Variants in CSGALNACT1 observed in about 807,000 individuals in gnomAD.
CSGALNACT1 encodes chondroitin sulfate N-acetylgalactosaminyltransferase 1, also known as beta4GalNAcT-1.
Under a neutral mutation model 51.0 loss-of-function variants are expected in CSGALNACT1, and 52 were observed. That is an observed-to-expected ratio of 1.02 (90% CI 0.82 to 1.29). CSGALNACT1 has a LOEUF of 1.29. CSGALNACT1 is among the 50% of genes most tolerant of loss of function. The probability of loss-of-function intolerance (pLI) is 0.00; values close to 1 mark genes in which losing one functional copy is unlikely to be tolerated. For missense variants in CSGALNACT1, 935 were observed against 679.2 expected, an observed-to-expected ratio of 1.38 and a Z score of -4.19; for synonymous variants, 341 against 254.4, an observed-to-expected ratio of 1.34 and a Z score of -3.24.
chr8:19,581,184 A>C (rs1466682306), intron 3 of CSGALNACT1, among the ~76,000 whole-genome samples: 1 of 152,224 alleles, frequency 6.6e-6, no homozygotes, highest in African/African-American at 2.4e-5. Context: ...TAAATAAAAT[A>C]TACCTAAAAG....
upstream of CSGALNACT1, chr8:19,682,999 C>A (rs1412075858): frequency 3.3e-5 from 9 of 274,468 alleles, 1 homozygote; most frequent in South Asian, 1.5e-4. Flanking sequence ...AACGAGTTCA[C>A]CCTGAACACA....
intron 1 of CSGALNACT1, among the ~76,000 whole-genome samples, chr8:19,731,371 G>T (rs541778798): frequency 6.6e-6 from 1 of 152,212 alleles, no homozygotes; most frequent in Admixed American, 6.5e-5. Context: ...AGGCAGGCGT[G>T]GTGGCCCATG....
At chr8:19,725,836 C>T (rs2063370211) in intron 1 of CSGALNACT1, among the ~76,000 whole-genome samples, 2 of 152,020 alleles carry the variant, frequency 1.3e-5, no homozygotes, top group South Asian at 2.1e-4. Context: ...ACACAGCCTC[C>T]CCCATTACTC....
intron 5 of CSGALNACT1, among the ~76,000 whole-genome samples, chr8:19,453,562 T>A (rs931943332): frequency 2.6e-5 from 4 of 152,096 alleles, no homozygotes; most frequent in Admixed American, 2.6e-4. Flanking sequence ...AAAATTTCCC[T>A]GAAAGAACCC....
intron 6 of CSGALNACT1, among the ~76,000 whole-genome samples, 187 bp downstream of exon 5, chr8:19,439,643 T>C (rs2060978390): frequency 6.6e-6 from 1 of 152,230 alleles, no homozygotes; most frequent in South Asian, 2.1e-4. Flanking sequence ...TGAAAACCAG[T>C]GTCAGACAGG....
chr8:19,546,985 C>T (rs1008150012), intron 3 of CSGALNACT1, among the ~76,000 whole-genome samples: 5 of 152,244 alleles, frequency 3.3e-5, no homozygotes, highest in Non-Finnish European at 5.9e-5. Flanking sequence ...GATGCGTCTT[C>T]TCTAGAAATA....
chr8:19,556,505 C>T (rs769076265), intron 3 of CSGALNACT1, among the ~76,000 whole-genome samples: 14 of 152,028 alleles, frequency 9.2e-5, no homozygotes, highest in Non-Finnish European at 1.6e-4. Context: ...ATGGATTTGG[C>T]TTTGGCATCA....
chr8:19,584,993 C>T (rs1203443114), intron 3 of CSGALNACT1, among the ~76,000 whole-genome samples: 3 of 152,182 alleles, frequency 2.0e-5, no homozygotes, highest in Admixed American at 6.5e-5. Context: ...CTATCACTGT[C>T]TAGCTGTGTA....
chr8:19,528,834 A>G (rs1360645247), intron 3 of CSGALNACT1, among the ~76,000 whole-genome samples: 2 of 152,214 alleles, frequency 1.3e-5, no homozygotes, highest in African/African-American at 4.8e-5. Flanking sequence ...TCAGATGTAG[A>G]AAATAAAGAT....
At chr8:19,752,152 A>G (rs1047584512) in intron 1 of CSGALNACT1, among the ~76,000 whole-genome samples, 4 of 141,304 alleles carry the variant, frequency 2.8e-5, no homozygotes, top group Non-Finnish European at 6.1e-5. Context: ...ATATTATATG[A>G]CATATCATAT....
At chr8:19,745,398 C>A (rs898215134) in intron 1 of CSGALNACT1, among the ~76,000 whole-genome samples, 1 of 152,146 alleles carries the variant, frequency 6.6e-6, no homozygotes, top group African/African-American at 2.4e-5. Context: ...GTTTTTGATA[C>A]ATGCTCACAA....
intron 1 of CSGALNACT1, among the ~76,000 whole-genome samples, chr8:19,636,146 CA>C (rs200580243): frequency 0.013 from 2,053 of 152,218 alleles, 47 homozygotes; most frequent in African/African-American, 0.047. Flanking sequence ...TCAGGTTAAC[CA>C]TGGTCAGTAA....
chr8:19,597,442 G>A (rs1445888189), intron 2 of CSGALNACT1, among the ~76,000 whole-genome samples: 3 of 151,706 alleles, frequency 2.0e-5, no homozygotes, highest in South Asian at 2.1e-4. Flanking sequence ...CTACAGGCAT[G>A]AGCCACCAAG....
chr8:19,610,576 C>T lies in CSGALNACT1; in HGVS notation c.-543-8711G>A, dbSNP rs140714043. Among the ~76,000 whole-genome samples the T allele has an allele frequency of 5.3e-5, 8 of 152,220 alleles. No homozygotes were observed. The East Asian group carries it at 1.4e-3, about 26-fold the overall frequency. On this transcript the variant is annotated intron_variant, in intron 1 of 9. Transcript: ENST00000332246. ...GCGCTGGACAACCACAGGAACGCAC[C>T]GGCAGGCGCCAGCAGGCCACCAACC... is the stretch of plus-strand genomic sequence containing the variant.
At chr8:19,512,590 T>C (rs182250774) in intron 3 of CSGALNACT1, among the ~76,000 whole-genome samples, 21 of 152,322 alleles carry the variant, frequency 1.4e-4, no homozygotes, top group African/African-American at 4.8e-4. Context: ...TTACCTCCTA[T>C]GATGCAATAA....
chr8:19,525,926 G>C (rs1036259745), intron 3 of CSGALNACT1, among the ~76,000 whole-genome samples: 1 of 152,130 alleles, frequency 6.6e-6, no homozygotes, highest in Non-Finnish European at 1.5e-5. Flanking sequence ...TATAACCGTA[G>C]TGCAATATCC....
chr8:19,463,982 G>A (rs2066115388), intron 4 of CSGALNACT1, among the ~76,000 whole-genome samples: 1 of 152,176 alleles, frequency 6.6e-6, no homozygotes, highest in Non-Finnish European at 1.5e-5. Context: ...CTTCAACTGA[G>A]GACCTTGACA....
At chr8:19,655,908 C>T (rs962779292) in intron 1 of CSGALNACT1, among the ~76,000 whole-genome samples, 2 of 152,056 alleles carry the variant, frequency 1.3e-5, no homozygotes, top group African/African-American at 2.4e-5. Context: ...GATCAATGTG[C>T]CACTACTATG....
intron 9 of CSGALNACT1, among the ~76,000 whole-genome samples, chr8:19,406,555 T>C (rs530097901): frequency 1.1e-4 from 17 of 148,298 alleles, no homozygotes; most frequent in Non-Finnish European, 2.5e-4. Context: ...TTACACATTG[T>C]ATGCCTGTAT....
Sources: gnomAD v4.1 joint callset for allele counts (sites outside exome capture counted in the v4.1 genomes callset) on GRCh38, gnomAD v4.1.1 for gene constraint, MANE v1.5 for transcripts, NCBI Gene and HGNC (gene_info 2026-07-23, HGNC 2026-07-21) for gene names.